Variants in ADAMTS3 observed in about 807,000 individuals in gnomAD.
ADAMTS3 encodes the protein A disintegrin and metalloproteinase with thrombospondin motifs 3.
In ADAMTS3, 73 loss-of-function variants were observed where a neutral mutation model predicts 129.0. The ratio of observed to expected loss-of-function variants is 0.57; its 90% CI spans 0.47 to 0.69. The LOEUF (loss-of-function observed/expected upper bound fraction) is 0.69, where lower values mean the gene tolerates loss of function less well. ADAMTS3 is among the 30% of genes least tolerant of loss of function. The pLI is 0.00. For missense variants in ADAMTS3, 1,457 were observed against 1,514.5 expected (o/e 0.96, Z 0.63); for synonymous variants, 477 against 510.8 (o/e 0.93, Z 0.89).
At chr4:72,487,674 T>C (rs1306531429) in intron 3 of ADAMTS3, among the ~76,000 whole-genome samples, 1 of 152,118 alleles carries the variant, frequency 6.6e-6, no homozygotes, top group Non-Finnish European at 1.5e-5. Flanking sequence ...CTTGTATTCA[T>C]TCCCTTTACA....
intron 3 of ADAMTS3, among the ~76,000 whole-genome samples, chr4:72,469,541 A>G (rs868066668): frequency 2.6e-5 from 4 of 152,112 alleles, no homozygotes; most frequent in Non-Finnish European, 5.9e-5. Flanking sequence ...CTTTCCCCTT[A>G]TTGCTATCTA....
At chr4:72,527,458 T>C (rs1720844477) in intron 3 of ADAMTS3, among the ~76,000 whole-genome samples, 1 of 152,188 alleles carries the variant, frequency 6.6e-6, no homozygotes, top group East Asian at 1.9e-4. Context: ...CTTTTGCTCA[T>C]TGTTGCATCC....
intron 17 of ADAMTS3, among the ~76,000 whole-genome samples, chr4:72,301,443 C>G (rs1365481127): frequency 1.3e-5 from 2 of 151,974 alleles, no homozygotes; most frequent in Non-Finnish European, 2.9e-5. Flanking sequence ...GAAAATATAA[C>G]AACTTTAACA....
intron 4 of ADAMTS3, among the ~76,000 whole-genome samples, chr4:72,371,433 C>T (rs1721001940): frequency 8.0e-6 from 1 of 125,382 alleles, no homozygotes; most frequent in African/African-American, 2.8e-5. Flanking sequence ...ACCAAGCTGA[C>T]ACTAAAAGTA....
chr4:72,290,410 G>A (rs1455720709), intron 20 of ADAMTS3, among the ~76,000 whole-genome samples: 2 of 152,140 alleles, frequency 1.3e-5, no homozygotes, highest in Non-Finnish European at 2.9e-5. Context: ...GGAGGAGGGG[G>A]AGTACAAGTC....
At chr4:72,295,971 C>T (rs531677956) in intron 18 of ADAMTS3, among the ~76,000 whole-genome samples, 185 bp from the exon 19 acceptor site, 27 of 152,068 alleles carry the variant, frequency 1.8e-4, no homozygotes, top group Admixed American at 5.9e-4. Flanking sequence ...AAACTTTTAC[C>T]TTTTCAGAGA....
rs1722095185 is a variant in ADAMTS3, at chr4:72,568,999, A to AGG, written c.-238_-237insCC. On this transcript the variant is annotated 5_prime_UTR_variant, in exon 1 of 22. Coordinates refer to ENST00000286657, the MANE Select transcript of ADAMTS3 (RefSeq NM_014243.3). ...TTCTCACCCCGTCCTCCCAACACAG[A>AGG]GTGTGCAGGAGCGAGAAGGTGCTGT... 9 of 566,708 alleles carry AGG rather than the reference A, an allele frequency of 1.6e-5. No individual in the cohort carries two copies. In the South Asian group the frequency reaches 2.0e-4, roughly 12 times the overall value. The allele number at this position is 566,708 out of a possible 1,614,324, so 35.1% of individuals were successfully genotyped here. A position where few individuals can be genotyped will look rare whatever the true frequency, so the allele number is the denominator to read the frequency against.
At chr4:72,344,846 C>T (rs1720238893) in intron 4 of ADAMTS3, among the ~76,000 whole-genome samples, 1 of 152,110 alleles carries the variant, frequency 6.6e-6, no homozygotes, top group African/African-American at 2.4e-5. Flanking sequence ...ACTGTAGACT[C>T]ACCATACCAG....
intron 4 of ADAMTS3, among the ~76,000 whole-genome samples, chr4:72,362,017 C>T (rs1435577608): frequency 6.6e-6 from 1 of 151,884 alleles, no homozygotes; most frequent in Non-Finnish European, 1.5e-5. Context: ...TAAGTTATCT[C>T]CTCTCTTCCC....
At chr4:72,551,182 C>T (rs1213388221) in intron 2 of ADAMTS3, among the ~76,000 whole-genome samples, 1 of 152,032 alleles carries the variant, frequency 6.6e-6, no homozygotes, top group Admixed American at 6.6e-5. Context: ...ATGGATTTCC[C>T]ATCTCCACTG....
intron 3 of ADAMTS3, among the ~76,000 whole-genome samples, chr4:72,514,911 T>C (rs1320632851): frequency 1.3e-5 from 2 of 152,130 alleles, no homozygotes; most frequent in African/African-American, 4.8e-5. Context: ...TGTATACATG[T>C]GCCATGCTGG....
intron 3 of ADAMTS3, 36 bp downstream of exon 3, chr4:72,548,442 C>A (rs1205891194): frequency 1.3e-6 from 2 of 1,594,308 alleles, no homozygotes; most frequent in Non-Finnish European, 1.7e-6. Flanking sequence ...ACTCCCAGCA[C>A]CTGCAAACAT....
chr4:72,552,449 G>T (rs1465489287), intron 2 of ADAMTS3, among the ~76,000 whole-genome samples: 1 of 152,184 alleles, frequency 6.6e-6, no homozygotes, highest in Non-Finnish European at 1.5e-5. Context: ...AGCTGAGGTG[G>T]CTGAGGGGCC....
chr4:72,386,446 A>G (rs1489870632), intron 4 of ADAMTS3, among the ~76,000 whole-genome samples: 1 of 151,790 alleles, frequency 6.6e-6, no homozygotes, highest in Non-Finnish European at 1.5e-5. Context: ...AAGCAACACA[A>G]AGCAAGGAAT....
At chr4:72,490,861 T>C (rs1276565464) in intron 3 of ADAMTS3, among the ~76,000 whole-genome samples, 1 of 151,900 alleles carries the variant, frequency 6.6e-6, no homozygotes, top group East Asian at 1.9e-4. Context: ...TTTCTATATC[T>C]GTAACTACTT....
At chr4:72,519,709 CTGTATTGG>C (rs1186173302) in intron 3 of ADAMTS3, among the ~76,000 whole-genome samples, 1 of 152,186 alleles carries the variant, frequency 6.6e-6, no homozygotes, top group Non-Finnish European at 1.5e-5. Context: ...AAGCACTTCT[CTGTATTGG>C]TTATTCTAGT....
intron 3 of ADAMTS3, among the ~76,000 whole-genome samples, chr4:72,531,247 G>A (rs976304768): frequency 3.3e-5 from 5 of 152,116 alleles, no homozygotes; most frequent in African/African-American, 9.7e-5. Context: ...AATAAGAAGA[G>A]TCTAGGATAA....
At chr4:72,298,897 A>G (rs1224570995) in intron 17 of ADAMTS3, among the ~76,000 whole-genome samples, 1 of 151,762 alleles carries the variant, frequency 6.6e-6, no homozygotes, top group African/African-American at 2.4e-5. Flanking sequence ...TCTTCAACGG[A>G]AATTGTTGTG....
chr4:72,298,170 G>T, intron 18 of ADAMTS3, 107 bp downstream of exon 18: 1 of 799,760 alleles, frequency 1.3e-6, no homozygotes, highest in Non-Finnish European at 1.9e-6. Context: ...GGTTATGTTT[G>T]GTGTTTCTCA....
Sources: allele counts gnomAD v4.1 joint callset (sites outside exome capture counted in the v4.1 genomes callset), GRCh38; gene constraint gnomAD v4.1.1; transcripts MANE v1.5; gene names NCBI Gene and HGNC (gene_info 2026-07-23, HGNC 2026-07-21).